The following DRC8 variants were observed in gnomAD, a reference collection of about 807,000 sequenced individuals.
DRC8 encodes the protein dynein regulatory complex protein 8.
At chr1:244,997,770 C>T in the DRC8 span, among the ~76,000 whole-genome samples, 1 of 152,078 alleles carries the variant, frequency 6.6e-6, no homozygotes, top group Non-Finnish European at 1.5e-5. Context: ...ATTTTGACTT[C>T]TTGACCTCAG....
At chr1:245,004,336 A>T in the DRC8 span, among the ~76,000 whole-genome samples, 2 of 152,198 alleles carry the variant, frequency 1.3e-5, no homozygotes, top group African/African-American at 2.4e-5. Context: ...ACAAAACAAA[A>T]TGAAAAACAA....
the DRC8 span, among the ~76,000 whole-genome samples, chr1:245,048,819 C>CTTCTTTCT: frequency 6.6e-6 from 1 of 151,752 alleles, no homozygotes; most frequent in African/African-American, 2.4e-5. Context: ...CACTGTGGAT[C>CTTCTTTCT]TTCTTTCTTT....
At chr1:245,119,960 G>GTAAA in the DRC8 span, among the ~76,000 whole-genome samples, 151,649 of 151,686 alleles carry the variant, frequency 1, 75,806 homozygotes, top group Middle Eastern at 1. Context: ...AAGTAAATAA[G>GTAAA]TAAATAAATA....
the DRC8 span, among the ~76,000 whole-genome samples, chr1:245,105,863 G>A: frequency 6.6e-6 from 1 of 152,106 alleles, no homozygotes; most frequent in African/African-American, 2.4e-5. Flanking sequence ...GTTCACCTGA[G>A]GCCAGGAGTT....
At chr1:245,008,704 G>A in the DRC8 span, among the ~76,000 whole-genome samples, 2 of 139,910 alleles carry the variant, frequency 1.4e-5, no homozygotes, top group Non-Finnish European at 3.0e-5. Flanking sequence ...TTCAGAGCAA[G>A]ATCCTTCAGG....
the DRC8 span, among the ~76,000 whole-genome samples, chr1:245,032,297 A>G: frequency 1.3e-5 from 2 of 152,190 alleles, no homozygotes; most frequent in African/African-American, 4.8e-5. Context: ...CAGAGGTGCC[A>G]TGCAGTAATG....
At chr1:245,000,780 C>CAA in the DRC8 span, among the ~76,000 whole-genome samples, 2 of 145,026 alleles carry the variant, frequency 1.4e-5, no homozygotes. Context: ...GACTCCATCT[C>CAA]AAAAAAAAAA....
At chr1:245,112,701 C>T in the DRC8 span, among the ~76,000 whole-genome samples, 1 of 152,012 alleles carries the variant, frequency 6.6e-6, no homozygotes, top group African/African-American at 2.4e-5. Context: ...TTTCTTATTC[C>T]AAATGGAAAT....
chr1:245,046,978 C>T, the DRC8 span, among the ~76,000 whole-genome samples: 2 of 152,288 alleles, frequency 1.3e-5, no homozygotes, highest in South Asian at 2.1e-4. Flanking sequence ...TTTTAGAGGG[C>T]GAGCCATTGC....
chr1:245,061,319 G>A, the DRC8 span, among the ~76,000 whole-genome samples: 2 of 152,210 alleles, frequency 1.3e-5, no homozygotes, highest in Non-Finnish European at 2.9e-5. Flanking sequence ...TGGCTCTCTA[G>A]GATAATAATC....
At chr1:245,005,144 C>G in the DRC8 span, among the ~76,000 whole-genome samples, 840 of 152,076 alleles carry the variant, frequency 5.5e-3, 6 homozygotes, top group African/African-American at 0.02. Flanking sequence ...GGATAATCCC[C>G]CATAAAGTGG....
the DRC8 span, among the ~76,000 whole-genome samples, chr1:245,094,872 T>C: frequency 6.6e-6 from 1 of 152,354 alleles, no homozygotes; most frequent in South Asian, 2.1e-4. Flanking sequence ...ATGCTTTGCT[T>C]CATCTCTTCT....
chr1:244,974,027 C>T, the DRC8 span, among the ~76,000 whole-genome samples: 6 of 151,980 alleles, frequency 3.9e-5, no homozygotes, highest in Admixed American at 3.9e-4. Context: ...CCTTTAGAAC[C>T]AAATTATTTT....
At chr1:245,102,007 T>C in the DRC8 span, among the ~76,000 whole-genome samples, 1 of 152,196 alleles carries the variant, frequency 6.6e-6, no homozygotes. Context: ...TTGCTAATGA[T>C]GTGTTATTAG....
chr1:244,996,919 G>A, the DRC8 span, among the ~76,000 whole-genome samples: 20 of 152,196 alleles, frequency 1.3e-4, no homozygotes, highest in South Asian at 6.2e-4. Context: ...CAAAATCCAC[G>A]GATGCTGAAG....
chr1:245,061,040 G>A, the DRC8 span, among the ~76,000 whole-genome samples: 2 of 151,970 alleles, frequency 1.3e-5, no homozygotes, highest in African/African-American at 4.8e-5. Context: ...GCAGAAAAAG[G>A]TTGCCAACTC....
At chr1:245,054,298 C>A in the DRC8 span, among the ~76,000 whole-genome samples, 1 of 152,026 alleles carries the variant, frequency 6.6e-6, no homozygotes, top group South Asian at 2.1e-4. Context: ...GTGATCCTCA[C>A]GCCTCAGCCT....
chr1:245,050,783 CCT>C, the DRC8 span, among the ~76,000 whole-genome samples: 3 of 151,984 alleles, frequency 2.0e-5, no homozygotes, highest in Non-Finnish European at 4.4e-5. Flanking sequence ...GTTTTTTCTT[CCT>C]CTTTTTCTCC....
chr1:244,975,596 C>T, the DRC8 span, among the ~76,000 whole-genome samples: 4 of 152,190 alleles, frequency 2.6e-5, no homozygotes, highest in Non-Finnish European at 5.9e-5. Context: ...GGCCGGCTCA[C>T]GCCTGTAATC....
Sources: gnomAD v4.1 joint callset for allele counts (sites outside exome capture counted in the v4.1 genomes callset) on GRCh38, gnomAD v4.1.1 for gene constraint, MANE v1.5 for transcripts, NCBI Gene and HGNC (gene_info 2026-07-23, HGNC 2026-07-21) for gene names.